Variants in KCTD2 observed in about 807,000 individuals in gnomAD.
The protein encoded by KCTD2 is BTB/POZ domain-containing protein KCTD2.
In KCTD2, 18 loss-of-function variants were observed where a neutral mutation model predicts 27.9. The observed-to-expected ratio is 0.64, with a 90% CI of 0.45 to 0.96. The LOEUF is 0.96. Ranked by LOEUF, KCTD2 falls within the 40% of genes least tolerant of loss-of-function variation. KCTD2 has a pLI of 0.00. For missense variants in KCTD2, 280 were observed against 348.0 expected (o/e 0.80, Z 1.56); for synonymous variants, 175 against 148.4 (o/e 1.18, Z -1.30).
rs1953232240 is a variant in KCTD2 at position 75,047,388 on chromosome 17, C to T, written c.138C>T (p.Arg46=). ...GCCCCACGCCCCGCGGGCACGGCCG[C>T]CCGGCTGCCGCCGTCGCGCAGCCGC... The part of the protein sequence containing the change: ...PAGPTPRGHG[R]PAAAVAQPLE... Residue 46 remains arginine, a synonymous_variant, in exon 1 of 6, where the codon CGC becomes CGT. Transcript: ENST00000322444. 2 of 1,143,806 alleles carry T rather than the reference C, an allele frequency of 1.7e-6. No homozygotes were observed. The highest frequency in any genetic ancestry group is 2.1e-6 in the Non-Finnish European group (2 of 932,746). 70.9% of individuals were successfully genotyped at this position (1,143,806 alleles called of 1,614,324 possible). A position where few individuals can be genotyped will look rare whatever the true frequency, so the allele number is the denominator to read the frequency against.
At chr17:75,062,743 C>CACACACACACAG (rs1325191013) in intron 5 of KCTD2, among the ~76,000 whole-genome samples, 4 of 146,096 alleles carry the variant, frequency 2.7e-5, no homozygotes, top group South Asian at 4.3e-4. Flanking sequence ...CACACACACA[C>CACACACACACAG]AGCTTCTAAA....
intron 5 of KCTD2, among the ~76,000 whole-genome samples, chr17:75,062,743 C>CACACACACACACACACAG (rs1325191013): frequency 9.6e-5 from 14 of 145,978 alleles, no homozygotes; most frequent in Admixed American, 2.1e-4. Context: ...CACACACACA[C>CACACACACACACACACAG]AGCTTCTAAA....
chr17:75,063,285 G>C lies in KCTD2; in HGVS notation c.*238G>C. The C allele has an allele frequency of 1.7e-6, 1 of 580,296 alleles. No individual in the cohort carries two copies. Among genetic ancestry groups the C allele is most frequent in the South Asian group, 2.0e-5 (1 of 49,980 alleles). 35.9% of individuals were successfully genotyped at this position (580,296 alleles called of 1,614,324 possible). A position where few individuals can be genotyped will look rare whatever the true frequency, so the allele number is the denominator to read the frequency against. On this transcript the variant is annotated 3_prime_UTR_variant, in exon 6 of 6. Coordinates refer to ENST00000322444, the MANE Select transcript of KCTD2 (RefSeq NM_015353.3). ...TCAGAAACCTGCTTTCATTTGCTTA[G>C]CCAGTATTAGAACAGATCTTTACAA...
rs550566751 is a variant in KCTD2, at chr17:75,060,712, C to T, written c.636+1107C>T. On this transcript the variant is annotated intron_variant, in intron 4 of 5. Transcript: ENST00000322444. ...ACTCAGGGTCTCGGTCGCCGCCACTCGCCACCCTGGGATCAACCGCCTGAG... is the reference window on the plus strand; with the variant it reads ...ACTCAGGGTCTCGGTCGCCGCCACTTGCCACCCTGGGATCAACCGCCTGAG... 9.1e-6 allele frequency: 9 copies of T among 994,228 alleles called. No individual in the cohort carries two copies. The South Asian group carries it at 1.0e-4, about 12-fold the overall frequency. 61.6% of individuals were successfully genotyped at this position (994,228 alleles called of 1,614,324 possible).
At chr17:75,045,624 C>T (rs1417092515), upstream of KCTD2, among the ~76,000 whole-genome samples, 2 of 152,122 alleles carry the variant, frequency 1.3e-5, no homozygotes, top group Non-Finnish European at 2.9e-5. Flanking sequence ...AGAAATATGG[C>T]TCTGTTCTGC....
chr17:75,042,203 A>T, intron 3 of KCTD2: 1 of 1,614,100 alleles, frequency 6.2e-7, no homozygotes, highest in Non-Finnish European at 8.5e-7. Flanking sequence ...GTCATCCACC[A>T]AGCCAGCCTT....
At chr17:75,062,945 A>G in intron 5 of KCTD2, 73 bp from the exon 6 acceptor site, 1 of 1,510,310 alleles carries the variant, frequency 6.6e-7, no homozygotes, top group Non-Finnish European at 9.2e-7. Context: ...CATCGGGTCC[A>G]GTGGAAAGCA....
intron 3 of KCTD2, among the ~76,000 whole-genome samples, chr17:75,058,419 G>C (rs552308077): frequency 4.8e-4 from 73 of 151,988 alleles, no homozygotes; most frequent in African/African-American, 1.6e-3. Flanking sequence ...CAGGAGAATC[G>C]CTTGAACCAG....
chr17:75,038,822 G>T (rs1249363373), intron 3 of KCTD2: 1 of 1,296,116 alleles, frequency 7.7e-7, no homozygotes, highest in Non-Finnish European at 1.1e-6. Flanking sequence ...CAGAAGAGAG[G>T]CTTAATTATC....
intron 1 of KCTD2, among the ~76,000 whole-genome samples, chr17:75,033,817 C>T (rs1241936610): frequency 2.6e-5 from 4 of 152,238 alleles, no homozygotes; most frequent in Admixed American, 6.5e-5. Flanking sequence ...GACGGACCCA[C>T]TCCATGGATC....
At chr17:75,042,042 C>T (rs1748274497) in intron 3 of KCTD2, 1 of 679,384 alleles carries the variant, frequency 1.5e-6, no homozygotes, top group Non-Finnish European at 2.5e-6. Flanking sequence ...CAATCGACCA[C>T]AAGGCCTTTG....
upstream of KCTD2, among the ~76,000 whole-genome samples, chr17:75,045,988 A>G (rs2073211507): frequency 6.6e-6 from 1 of 152,234 alleles, no homozygotes; most frequent in African/African-American, 2.4e-5. Context: ...AAATCTTCAC[A>G]ATCCACGTTC....
chr17:75,045,705 T>C (rs920499917), upstream of KCTD2, among the ~76,000 whole-genome samples: 6 of 152,248 alleles, frequency 3.9e-5, no homozygotes, highest in African/African-American at 1.2e-4. Flanking sequence ...CCTGTTCTTT[T>C]TTCAGGGTGC....
chr17:75,054,543 C>T (rs1414286413), intron 3 of KCTD2, among the ~76,000 whole-genome samples: 3 of 152,054 alleles, frequency 2.0e-5, no homozygotes, highest in Non-Finnish European at 2.9e-5. Context: ...CGGTGGCTCA[C>T]GCCTGTAATC....
chr17:75,062,006 A>G lies in KCTD2; in HGVS notation c.637-114A>G. Reference sequence around the variant, plus strand: ...GTAGTCACAGAGAACTCATATAAAGAGTTAAACCTTTGATAACTTAAAAGT... The same window carrying G: ...GTAGTCACAGAGAACTCATATAAAGGGTTAAACCTTTGATAACTTAAAAGT... On this transcript the variant is annotated intron_variant, in intron 4 of 5. Coordinates refer to ENST00000322444, the MANE Select transcript of KCTD2 (RefSeq NM_015353.3). 5.0e-6 allele frequency: 6 copies of G among 1,203,620 alleles called. No homozygotes were observed. In the South Asian group the frequency reaches 6.3e-5, roughly 13 times the overall value. 74.6% of individuals were successfully genotyped at this position (1,203,620 alleles called of 1,614,324 possible). A position where few individuals can be genotyped will look rare whatever the true frequency, so the allele number is the denominator to read the frequency against.
intron 3 of KCTD2, among the ~76,000 whole-genome samples, chr17:75,036,733 T>C (rs1454905443): frequency 6.6e-6 from 1 of 152,214 alleles, no homozygotes; most frequent in Non-Finnish European, 1.5e-5. Context: ...TTGGCTGTCG[T>C]CTGCATCCTC....
chr17:75,057,992 G>C (rs1162243297), intron 3 of KCTD2, among the ~76,000 whole-genome samples: 1 of 151,016 alleles, frequency 6.6e-6, no homozygotes, highest in Non-Finnish European at 1.5e-5. Flanking sequence ...GTCAAGACCA[G>C]CCTGGCCAAC....
intron 2 of KCTD2, 63 bp downstream of exon 2, chr17:75,049,391 C>T: frequency 1.9e-6 from 2 of 1,078,902 alleles, no homozygotes; most frequent in Non-Finnish European, 2.8e-6. Context: ...AGTTGTTTTA[C>T]AGATTTCAAT....
intron 2 of KCTD2, chr17:75,035,140 C>G (rs946522653): frequency 6.6e-6 from 1 of 152,138 alleles, no homozygotes; most frequent in Non-Finnish European, 1.5e-5. Context: ...GATAAGGCGT[C>G]TGACTTCGGA....
Sources: allele counts gnomAD v4.1 joint callset (sites outside exome capture counted in the v4.1 genomes callset), GRCh38; gene constraint gnomAD v4.1.1; transcripts MANE v1.5; gene names NCBI Gene and HGNC (gene_info 2026-07-23, HGNC 2026-07-21).